LRRFIP1: variants seen among roughly 807,000 people sequenced by gnomAD.
LRRFIP1 encodes the protein LRR binding FLII interacting protein 1, also known as leucine-rich repeat flightless-interacting protein 1.
In LRRFIP1, 62 loss-of-function variants were observed where a neutral mutation model predicts 104.4. That is an observed-to-expected ratio of 0.59 (90% confidence interval 0.48 to 0.73). LRRFIP1 has a LOEUF of 0.73. LRRFIP1 is among the 30% of genes least tolerant of loss of function. The pLI, the probability that LRRFIP1 is intolerant of heterozygous loss-of-function variation, is 0.00. For missense variants in LRRFIP1, 796 were observed against 824.5 expected (o/e 0.97, Z 0.42); for synonymous variants, 300 against 299.0 (o/e 1.00, Z -0.03).
In LRRFIP1 at chr2:237,733,776, C is replaced by G; in HGVS notation, c.447C>G (p.Pro149=). Residue 149 remains proline, a splice_region_variant and synonymous_variant, in exon 9 of 24, where the codon CCC becomes CCG. Coordinates refer to ENST00000308482, the MANE Select transcript of LRRFIP1 (RefSeq NM_001137550.2). ...TGCCATTTGCTTTCATCCTCCAGCC[C>G]TCCTGTCTGTACAGCGCTGCCCGGC... ...SQSLNRRSGR[P]SCLYSAARPS... 6.2e-7 allele frequency: 1 copy of G among 1,614,024 alleles called. No homozygotes were observed. The highest frequency in any genetic ancestry group is 8.5e-7 in the Non-Finnish European group (1 of 1,179,886).
chr2:237,663,993 A>C (rs945157260), intron 1 of LRRFIP1, among the ~76,000 whole-genome samples: 1 of 152,160 alleles, frequency 6.6e-6, no homozygotes, highest in Non-Finnish European at 1.5e-5. Flanking sequence ...GGAAGGGGTG[A>C]GCAGAGGAAG....
chr2:237,632,847 T>C (rs6712324), intron 1 of LRRFIP1, among the ~76,000 whole-genome samples: 58,374 of 152,078 alleles, frequency 0.38, 11,809 homozygotes, highest in East Asian at 0.45. Flanking sequence ...CCTTGCCCTC[T>C]GGTGAGGTGA....
In LRRFIP1 at chr2:237,627,756, G is replaced by C; in HGVS notation, c.96+16G>C. ...CGCGCGGGAGGTGAGCGCTCCGGGAGGGCAGCCGGGGGGCGCCGGGCGGGC... is the reference window on the plus strand; with the variant it reads ...CGCGCGGGAGGTGAGCGCTCCGGGACGGCAGCCGGGGGGCGCCGGGCGGGC... On this transcript the variant is annotated intron_variant, in intron 1 of 23. Coordinates refer to ENST00000308482, the MANE Select transcript of LRRFIP1 (RefSeq NM_001137550.2). 1 of 1,226,626 alleles carries C rather than the reference G, an allele frequency of 8.2e-7. No homozygotes were observed. Among genetic ancestry groups the C allele is most frequent in the Non-Finnish European group, 1.0e-6 (1 of 978,258 alleles). The allele number at this position is 1,226,626 out of a possible 1,614,324, so 76.0% of individuals were successfully genotyped here.
Position 237,711,958 on chromosome 2 carries a change from C to T in LRRFIP1, c.184-2301C>T, listed in dbSNP as rs1313658814. Among the ~76,000 whole-genome samples, 3 of 152,202 alleles carry T rather than the reference C, an allele frequency of 2.0e-5. No homozygotes were observed. Among genetic ancestry groups the T allele is most frequent in the Non-Finnish European group, 2.9e-5 (2 of 68,024 alleles). On this transcript the variant is annotated intron_variant, in intron 2 of 23. Coordinates refer to ENST00000308482, the MANE Select transcript of LRRFIP1 (RefSeq NM_001137550.2). The surrounding 1 kb of genome is among the most constrained non-coding windows in gnomAD (Gnocchi z 4.4). The stretch of plus-strand genomic sequence containing the variant: ...TCATGAATTTCGGGTCTTTGCAAGG[C>T]GGCAGCATTCCTGTTTAAAGTTTAT...
At chr2:237,673,395 G>C (rs895439922) in intron 1 of LRRFIP1, among the ~76,000 whole-genome samples, 1 of 152,166 alleles carries the variant, frequency 6.6e-6, no homozygotes, top group Non-Finnish European at 1.5e-5. Context: ...GTGAAGCCTC[G>C]CCAGGGTCTC....
intron 11 of LRRFIP1, among the ~76,000 whole-genome samples, chr2:237,742,898 G>A (rs1197734392): frequency 6.6e-6 from 1 of 152,150 alleles, no homozygotes; most frequent in Non-Finnish European, 1.5e-5. Context: ...GGGAGTTTCA[G>A]AACCCGGGTT....
chr2:237,751,067 T>C, intron 13 of LRRFIP1, 133 bp from the exon 14 acceptor site: 1 of 603,506 alleles, frequency 1.7e-6, no homozygotes, highest in Admixed American at 3.3e-5. Flanking sequence ...TATTTTCCCT[T>C]AACGCTTAAT....
chr2:237,744,941 T>G (rs3769068), intron 11 of LRRFIP1, among the ~76,000 whole-genome samples: 9,238 of 152,268 alleles, frequency 0.061, 357 homozygotes, highest in Middle Eastern at 0.12. Context: ...GACCCCTCTC[T>G]GCACCATGCC....
intron 7 of LRRFIP1, among the ~76,000 whole-genome samples, chr2:237,727,223 A>G (rs1249364029): frequency 1.3e-5 from 2 of 151,914 alleles, no homozygotes; most frequent in African/African-American, 2.4e-5. Context: ...GGGCGTGGTG[A>G]CGCACGCCTG....
chr2:237,638,407 T>C (rs2083404592), intron 1 of LRRFIP1, among the ~76,000 whole-genome samples: 1 of 152,222 alleles, frequency 6.6e-6, no homozygotes, highest in African/African-American at 2.4e-5. Flanking sequence ...TAAATACAGA[T>C]GAAGCTTCGC....
intron 1 of LRRFIP1, among the ~76,000 whole-genome samples, chr2:237,629,238 G>A (rs1423565173): frequency 1.3e-5 from 2 of 152,206 alleles, no homozygotes; most frequent in African/African-American, 4.8e-5. Flanking sequence ...AGGACCTTTG[G>A]CTAAATATAG....
intron 1 of LRRFIP1, among the ~76,000 whole-genome samples, chr2:237,663,395 AGTGC>A (rs1052828686): frequency 2.3e-4 from 34 of 146,498 alleles, no homozygotes; most frequent in Non-Finnish European, 4.1e-4. Flanking sequence ...AAATGAGATT[AGTGC>A]CCTTATAAAA....
chr2:237,726,059 G>A (rs1017818003), intron 7 of LRRFIP1, among the ~76,000 whole-genome samples: 1 of 152,190 alleles, frequency 6.6e-6, no homozygotes, highest in African/African-American at 2.4e-5. Context: ...AAATTTGCAA[G>A]TCCTTGACAT....
intron 1 of LRRFIP1, 48 bp downstream of exon 1, chr2:237,627,788 G>T (rs2081769261): frequency 3.6e-6 from 4 of 1,118,252 alleles, no homozygotes; most frequent in Non-Finnish European, 4.5e-6. Context: ...GGGCGCGGGG[G>T]CCGGACGGCT....
At position 237,719,545 on chromosome 2, in the gene LRRFIP1, G is replaced by A. The variant is rs146354129; in HGVS notation, c.272G>A (p.Arg91His). Residue 91 changes from arginine (R) to histidine (H), a missense_variant, in exon 5 of 24, where the codon CGT becomes CAT. Arg to His is a conservative substitution (Grantham distance 29). Coordinates refer to ENST00000308482, the MANE Select transcript of LRRFIP1 (RefSeq NM_001137550.2). ...TAGGAAGACAGTGAGCGCTACTCTC[G>A]TAGATCCAGAAGAAACACATCGGTT... ...QWMEDSERYS[R>H]RSRRNTSASD... 42 of 1,613,482 alleles carry A rather than the reference G, an allele frequency of 2.6e-5. No individual in the cohort carries two copies. The East Asian group carries it at 4.7e-4, about 18-fold the overall frequency.
chr2:237,775,294 C>T (rs2060983091), intron 23 of LRRFIP1, among the ~76,000 whole-genome samples: 2 of 152,320 alleles, frequency 1.3e-5, no homozygotes, highest in South Asian at 4.1e-4. Context: ...GAAAGCCTTC[C>T]GCGCAAAGGA....
intron 7 of LRRFIP1, among the ~76,000 whole-genome samples, chr2:237,723,793 A>G (rs2094623476): frequency 6.6e-6 from 1 of 152,196 alleles, no homozygotes; most frequent in Non-Finnish European, 1.5e-5. Flanking sequence ...GCCGGAGGGG[A>G]GGAGCCCAGG....
intron 2 of LRRFIP1, among the ~76,000 whole-genome samples, chr2:237,713,548 A>G (rs1202940636): frequency 2.0e-5 from 3 of 152,182 alleles, no homozygotes; most frequent in South Asian, 4.1e-4. Context: ...GTTCCCCCAT[A>G]TAAGACTAGA....
intron 1 of LRRFIP1, among the ~76,000 whole-genome samples, chr2:237,696,941 G>A (rs2093226782): frequency 6.6e-6 from 1 of 152,196 alleles, no homozygotes; most frequent in South Asian, 2.1e-4. Context: ...TGCATACTGG[G>A]AAGTCTTCAC....
Sources: gnomAD v4.1 joint callset for allele counts (sites outside exome capture counted in the v4.1 genomes callset) on GRCh38, gnomAD v4.1.1 for gene constraint, Gnocchi (gnomAD v3.1) non-coding constraint, MANE v1.5 for transcripts, NCBI Gene and HGNC (gene_info 2026-07-23, HGNC 2026-07-21) for gene names.